Variants in FAM53B observed in about 807,000 individuals in gnomAD.
FAM53B encodes the protein protein FAM53B.
A neutral mutation model predicts 32.7 loss-of-function variants in FAM53B; 12 were observed. The observed-to-expected ratio is 0.37, with a 90% CI of 0.24 to 0.59. The LOEUF (loss-of-function observed/expected upper bound fraction) is 0.59, where lower values mean the gene tolerates loss of function less well. FAM53B is among the 20% of genes least tolerant of loss of function. The probability of loss-of-function intolerance (pLI) is 0.72; values close to 1 mark genes in which losing one functional copy is unlikely to be tolerated. For synonymous variants in FAM53B, 234 were observed against 228.7 expected, an observed-to-expected ratio of 1.02 and a Z score of -0.21; for missense variants, 477 against 577.7, an observed-to-expected ratio of 0.83 and a Z score of 1.79.
At chr10:124,741,415 G>C (rs1352912579) in intron 1 of FAM53B, among the ~76,000 whole-genome samples, 6 of 152,224 alleles carry the variant, frequency 3.9e-5, no homozygotes, top group Admixed American at 6.5e-5. Context: ...AGGGCCCAAG[G>C]CATCGAGCGG....
intron 4 of FAM53B, among the ~76,000 whole-genome samples, chr10:124,679,735 C>T (rs560123535): frequency 7.2e-5 from 11 of 152,352 alleles, no homozygotes; most frequent in Non-Finnish European, 1.2e-4. Flanking sequence ...CCTCAGGCTC[C>T]GCACACCTTC....
chr10:124,730,144 C>T (rs1214224517), intron 1 of FAM53B, among the ~76,000 whole-genome samples: 2 of 152,202 alleles, frequency 1.3e-5, no homozygotes, highest in African/African-American at 4.8e-5. Context: ...ATCTGATGCC[C>T]ATGGAAAACA....
chr10:124,725,296 T>C (rs1950094667), intron 1 of FAM53B, among the ~76,000 whole-genome samples: 1 of 152,216 alleles, frequency 6.6e-6, no homozygotes, highest in African/African-American at 2.4e-5. Flanking sequence ...CTGCACCTGC[T>C]TCCCCAGATG....
chr10:124,726,227 A>G (rs1950102264), intron 1 of FAM53B, among the ~76,000 whole-genome samples: 1 of 152,180 alleles, frequency 6.6e-6, no homozygotes, highest in African/African-American at 2.4e-5. Flanking sequence ...AGGATCCATA[A>G]AAGTTGAGTT....
chr10:124,661,802 A>G (rs1949632815), intron 4 of FAM53B, among the ~76,000 whole-genome samples: 2 of 152,222 alleles, frequency 1.3e-5, no homozygotes, highest in African/African-American at 4.8e-5. Flanking sequence ...TAATGATCCA[A>G]TCTTAGCCTG....
At chr10:124,641,932 A>G (rs1005913777) in intron 4 of FAM53B, among the ~76,000 whole-genome samples, 34 of 152,244 alleles carry the variant, frequency 2.2e-4, no homozygotes, top group African/African-American at 7.7e-4. Context: ...ATACTATTTT[A>G]TAGTTGAGGA....
intron 2 of FAM53B, among the ~76,000 whole-genome samples, chr10:124,699,900 C>T (rs1347247862): frequency 2.6e-5 from 4 of 152,206 alleles, no homozygotes; most frequent in Non-Finnish European, 5.9e-5. Context: ...TTCTGAGGCC[C>T]GACTGGCCCC....
chr10:124,726,217 A>G (rs1203596658), intron 1 of FAM53B, among the ~76,000 whole-genome samples: 1 of 152,180 alleles, frequency 6.6e-6, no homozygotes, highest in East Asian at 1.9e-4. Flanking sequence ...TGAGAAAATC[A>G]GGATCCATAA....
In FAM53B at chr10:124,619,442, T is replaced by C. The variant is rs941895626; in HGVS notation, c.*3800A>G. ...CCCTGGGCCCCGGGTCTACGCTTTC[T>C]GGTCGCCACACTTCCTGAAGCACGG... On this transcript the variant is annotated 3_prime_UTR_variant, in exon 5 of 5. Transcript: ENST00000337318. The C allele has an allele frequency of 1.3e-5, 2 of 152,476 alleles. No homozygotes were observed. The highest frequency in any genetic ancestry group is 2.9e-5 in the Non-Finnish European group (2 of 68,026). 9.4% of individuals were successfully genotyped at this position (152,476 alleles called of 1,614,324 possible).
At chr10:124,685,167 T>G (rs1356404354) in intron 3 of FAM53B, among the ~76,000 whole-genome samples, 2 of 152,198 alleles carry the variant, frequency 1.3e-5, no homozygotes, top group Non-Finnish European at 2.9e-5. Context: ...AATATGTCTG[T>G]TGTATGTAAA....
intron 4 of FAM53B, among the ~76,000 whole-genome samples, chr10:124,670,514 C>T (rs1019740867): frequency 8.5e-5 from 13 of 152,246 alleles, no homozygotes; most frequent in African/African-American, 2.6e-4. Context: ...CTTGCACCCC[C>T]GACTCAGGAA....
intron 4 of FAM53B, among the ~76,000 whole-genome samples, chr10:124,672,366 G>A (rs984582306): frequency 3.7e-4 from 56 of 152,268 alleles, no homozygotes; most frequent in Admixed American, 3.6e-3. Context: ...CCCACGAGGC[G>A]TTCTCCTGAT....
intron 4 of FAM53B, among the ~76,000 whole-genome samples, chr10:124,625,198 C>A (rs1205071343): frequency 6.6e-6 from 1 of 152,244 alleles, no homozygotes; most frequent in Non-Finnish European, 1.5e-5. Context: ...AAAAGGCGCT[C>A]TCTCTGGAGG....
intron 4 of FAM53B, among the ~76,000 whole-genome samples, chr10:124,624,884 C>T (rs1243388580): frequency 2.0e-5 from 3 of 152,328 alleles, no homozygotes; most frequent in South Asian, 4.1e-4. Context: ...TATCCCCAAC[C>T]GGACTGCAGC....
In FAM53B at chr10:124,622,658, G is replaced by A. The variant is rs1022203581; in HGVS notation, c.*584C>T. Reference sequence around the variant, plus strand: ...CCCCAGGGATTCTGTCTCTCACATTGGAATTAAGGCCAAATGGTTCTGGTG... The same window carrying A: ...CCCCAGGGATTCTGTCTCTCACATTAGAATTAAGGCCAAATGGTTCTGGTG... On this transcript the variant is annotated 3_prime_UTR_variant, in exon 5 of 5. Transcript: ENST00000337318. 6.5e-6 allele frequency: 1 copy of A among 152,672 alleles called. No individual in the cohort carries two copies. The allele number at this position is 152,672 out of a possible 1,614,324, so 9.5% of individuals were successfully genotyped here. A position where few individuals can be genotyped will look rare whatever the true frequency, so the allele number is the denominator to read the frequency against.
Position 124,681,985 on chromosome 10 carries a change from C to A in FAM53B, c.528G>T (p.Val176=). The A allele has an allele frequency of 6.2e-7, 1 of 1,614,068 alleles. No homozygotes were observed. Reference sequence around the variant, plus strand: ...CTGCCTGGTCGCAGGGTGAGGAGAGCACGTTGGCCCGGGAAGGGAGGCTGA... The same window carrying A: ...CTGCCTGGTCGCAGGGTGAGGAGAGAACGTTGGCCCGGGAAGGGAGGCTGA... The part of the protein sequence containing the change: ...SSFSLPSRAN[V]LSSPCDQAGL... The change falls in exon 4 of 5, where the codon GTG becomes GTT. Residue 176 remains valine, a synonymous_variant. Transcript: ENST00000337318.
intron 1 of FAM53B, chr10:124,707,906 G>T (rs1469291222): frequency 6.6e-6 from 1 of 152,188 alleles, no homozygotes; most frequent in African/African-American, 2.4e-5. Context: ...TCGCCATTCT[G>T]CACAGCCTAT....
At chr10:124,689,573 T>C (rs988629141) in intron 3 of FAM53B, among the ~76,000 whole-genome samples, 7 of 152,226 alleles carry the variant, frequency 4.6e-5, no homozygotes, top group African/African-American at 1.2e-4. Context: ...GGGATTCCGA[T>C]GGCTAGAGGT....
intron 1 of FAM53B, among the ~76,000 whole-genome samples, chr10:124,721,777 C>T (rs1219403725): frequency 1.3e-5 from 2 of 152,202 alleles, no homozygotes; most frequent in Non-Finnish European, 1.5e-5. Flanking sequence ...CCTGTGAACA[C>T]GTGTGTGAGT....
Sources: allele counts gnomAD v4.1 joint callset (sites outside exome capture counted in the v4.1 genomes callset), GRCh38; gene constraint gnomAD v4.1.1; transcripts MANE v1.5; gene names NCBI Gene and HGNC (gene_info 2026-07-23, HGNC 2026-07-21).